Variants in FSTL5 observed in about 807,000 individuals in gnomAD.
The protein encoded by FSTL5 is follistatin-related protein 5.
In FSTL5, 62 loss-of-function variants were observed where a neutral mutation model predicts 89.1. The observed-to-expected ratio is 0.70, with a 90% CI of 0.57 to 0.86. The LOEUF (loss-of-function observed/expected upper bound fraction) is 0.86, where lower values mean the gene tolerates loss of function less well. Ranked by LOEUF, FSTL5 falls within the 40% of genes least tolerant of loss-of-function variation. The pLI, the probability that FSTL5 is intolerant of heterozygous loss-of-function variation, is 0.00. For missense variants in FSTL5, 1,057 were observed against 1,001.6 expected (o/e 1.06, Z -0.75); for synonymous variants, 383 against 346.2 (o/e 1.11, Z -1.18).
chr4:161,570,433 T>G (rs940825041), intron 8 of FSTL5, among the ~76,000 whole-genome samples: 4 of 152,082 alleles, frequency 2.6e-5, no homozygotes, highest in South Asian at 4.1e-4. Context: ...CTTTCTTTTC[T>G]GAAAAGGAAA....
chr4:161,709,062 T>C (rs1254324486), intron 6 of FSTL5, among the ~76,000 whole-genome samples: 2 of 152,218 alleles, frequency 1.3e-5, no homozygotes, highest in Admixed American at 6.5e-5. Flanking sequence ...TTATTTTGCC[T>C]CTAACATGGC....
At chr4:162,105,548 G>T (rs1255445898) in intron 2 of FSTL5, among the ~76,000 whole-genome samples, 1 of 151,654 alleles carries the variant, frequency 6.6e-6, no homozygotes, top group African/African-American at 2.4e-5. Flanking sequence ...TCACAAAAAC[G>T]GGTAGGATGG....
At chr4:161,550,284 G>A (rs1408057607) in intron 8 of FSTL5, among the ~76,000 whole-genome samples, 1 of 151,792 alleles carries the variant, frequency 6.6e-6, no homozygotes, top group Non-Finnish European at 1.5e-5. Context: ...ATATACACAA[G>A]CTTGCACAGT....
At chr4:161,448,720 T>C (rs1210199843) in intron 15 of FSTL5, among the ~76,000 whole-genome samples, 2 of 152,176 alleles carry the variant, frequency 1.3e-5, no homozygotes, top group Non-Finnish European at 2.9e-5. Context: ...CAGGGATTAC[T>C]GCTGATCGGA....
At chr4:161,703,743 A>C (rs1215418852) in intron 6 of FSTL5, among the ~76,000 whole-genome samples, 1 of 152,180 alleles carries the variant, frequency 6.6e-6, no homozygotes, top group African/African-American at 2.4e-5. Flanking sequence ...AAGAGTCTAT[A>C]GAATAGACAG....
chr4:161,590,412 G>C (rs574862689), intron 7 of FSTL5, among the ~76,000 whole-genome samples: 1 of 152,060 alleles, frequency 6.6e-6, no homozygotes, highest in African/African-American at 2.4e-5. Context: ...GGTGGCACAT[G>C]CCTGTAATCC....
intron 3 of FSTL5, among the ~76,000 whole-genome samples, chr4:161,922,831 GA>G (rs201245504): frequency 1.1e-5 from 1 of 88,158 alleles, no homozygotes; most frequent in Non-Finnish European, 2.6e-5. Context: ...GAATATAGTT[GA>G]TTTAGCAAGG....
chr4:162,128,453 G>A (rs998399630), intron 1 of FSTL5, among the ~76,000 whole-genome samples: 2 of 152,182 alleles, frequency 1.3e-5, no homozygotes, highest in African/African-American at 2.4e-5. Flanking sequence ...GGTTAAGAGT[G>A]ATCCCTTGCC....
chr4:161,962,043 T>A (rs1262057080), intron 3 of FSTL5, among the ~76,000 whole-genome samples: 1 of 151,920 alleles, frequency 6.6e-6, no homozygotes, highest in Non-Finnish European at 1.5e-5. Context: ...TCACATAATG[T>A]TGTATAACTA....
chr4:161,725,148 A>T (rs1739353676), intron 6 of FSTL5, among the ~76,000 whole-genome samples: 1 of 152,194 alleles, frequency 6.6e-6, no homozygotes, highest in African/African-American at 2.4e-5. Flanking sequence ...GTGAGCCCAG[A>T]TCACACCACT....
At chr4:161,594,406 A>G (rs1733934859) in intron 7 of FSTL5, among the ~76,000 whole-genome samples, 1 of 152,234 alleles carries the variant, frequency 6.6e-6, no homozygotes, top group Non-Finnish European at 1.5e-5. Flanking sequence ...CATACGTTCT[A>G]TGTAGCTACC....
intron 3 of FSTL5, among the ~76,000 whole-genome samples, chr4:162,016,826 A>G (rs1030175213): frequency 4.6e-5 from 7 of 152,166 alleles, no homozygotes; most frequent in African/African-American, 1.7e-4. Flanking sequence ...ATAGATTGTC[A>G]AATTTGGAGG....
intron 4 of FSTL5, among the ~76,000 whole-genome samples, chr4:161,794,566 C>A (rs961461604): frequency 2.6e-5 from 4 of 152,158 alleles, no homozygotes; most frequent in African/African-American, 9.7e-5. Flanking sequence ...GCCCTGTATA[C>A]ATATAGGGAC....
chr4:161,419,844 C>T (rs757408038), intron 15 of FSTL5, among the ~76,000 whole-genome samples: 27 of 152,214 alleles, frequency 1.8e-4, no homozygotes, highest in Non-Finnish European at 2.5e-4. Flanking sequence ...TTATGTTCTG[C>T]TGGCCTAGAG....
chr4:161,937,950 C>T (rs886815909), intron 3 of FSTL5, among the ~76,000 whole-genome samples: 1 of 136,136 alleles, frequency 7.3e-6, no homozygotes, highest in Non-Finnish European at 1.7e-5. Flanking sequence ...ACCTTTCTAG[C>T]AACATGTCCA....
intron 7 of FSTL5, among the ~76,000 whole-genome samples, chr4:161,631,310 A>C (rs187895034): frequency 1.2e-4 from 18 of 152,268 alleles, no homozygotes; most frequent in African/African-American, 4.1e-4. Flanking sequence ...TCCCCAGTTC[A>C]TAATCTGTTC....
At chr4:161,880,694 T>C (rs1732599814) in intron 4 of FSTL5, among the ~76,000 whole-genome samples, 1 of 152,104 alleles carries the variant, frequency 6.6e-6, no homozygotes. Flanking sequence ...ATTCACACAG[T>C]GAAATACCAC....
At chr4:161,871,718 T>C (rs1009720605) in intron 4 of FSTL5, among the ~76,000 whole-genome samples, 4 of 151,698 alleles carry the variant, frequency 2.6e-5, no homozygotes, top group African/African-American at 7.2e-5. Flanking sequence ...TCCAAACTGA[T>C]TTATTTGTTA....
Position 161,544,471 on chromosome 4 carries a change from A to T in FSTL5, c.1016-1778T>A, listed in dbSNP as rs143939667. ...GAAAGCAGACTGGTTGTTGCTAGGG[A>T]CTGAGGAAATGGAGGAATGAGAAAT... On this transcript the variant is annotated intron_variant, in intron 8 of 15. Coordinates refer to ENST00000306100, the MANE Select transcript of FSTL5 (RefSeq NM_020116.5). 6.0e-4 allele frequency among the ~76,000 whole-genome samples: 91 copies of T among 152,058 alleles called. No individual in the cohort carries two copies. In the East Asian group the frequency reaches 8.9e-3, roughly 15 times the overall value.
Sources: gnomAD v4.1 joint callset for allele counts (sites outside exome capture counted in the v4.1 genomes callset) on GRCh38, gnomAD v4.1.1 for gene constraint, MANE v1.5 for transcripts, NCBI Gene and HGNC (gene_info 2026-07-23, HGNC 2026-07-21) for gene names.